Variants in PDE3A observed in about 807,000 individuals in gnomAD.
PDE3A encodes phosphodiesterase 3A.
A neutral mutation model predicts 98.3 loss-of-function variants in PDE3A; 43 were observed. The ratio of observed to expected loss-of-function variants is 0.44; its 90% CI spans 0.34 to 0.56. The LOEUF is 0.56. PDE3A is among the 20% of genes least tolerant of loss of function. The probability of loss-of-function intolerance (pLI) is 0.01; values close to 1 mark genes in which losing one functional copy is unlikely to be tolerated. For synonymous variants in PDE3A, 663 were observed against 567.9 expected, an observed-to-expected ratio of 1.17 and a Z score of -2.38; for missense variants, 1,427 against 1,440.7, an observed-to-expected ratio of 0.99 and a Z score of 0.15.
rs538183017 is a variant in PDE3A, at chr12:20,485,255, T to C, written c.961-71405T>C. ...TTGGGGACTCAAGCATTCCTTGGCT[T>C]GTAATGGCATTCTTCCCATGCCTCT... On this transcript the variant is annotated intron_variant, in intron 1 of 15. Coordinates refer to ENST00000359062, the MANE Select transcript of PDE3A (RefSeq NM_000921.5). Among the ~76,000 whole-genome samples, 2 of 152,284 alleles carry C rather than the reference T, an allele frequency of 1.3e-5. 1 individual carries two copies. The highest frequency in any genetic ancestry group is 4.8e-5 in the African/African-American group (2 of 41,562).
intron 2 of PDE3A, among the ~76,000 whole-genome samples, chr12:20,559,505 T>G (rs1008616399): frequency 6.7e-6 from 1 of 150,306 alleles, no homozygotes; most frequent in African/African-American, 2.4e-5. Flanking sequence ...ATAATAATAA[T>G]AATAATAGTA....
chr12:20,509,649 C>T (rs1026923587), intron 1 of PDE3A, among the ~76,000 whole-genome samples: 1 of 152,044 alleles, frequency 6.6e-6, no homozygotes, highest in Admixed American at 6.6e-5. Flanking sequence ...TAATGTCTAG[C>T]TCTGAAATTA....
chr12:20,543,295 T>C lies in PDE3A; in HGVS notation c.961-13365T>C, dbSNP rs188297699. ...TAAACAGGCCTAACTATCAATTGCA[T>C]TGGAAATTTGATTGTGTTTCCAACT... On this transcript the variant is annotated intron_variant, in intron 1 of 15. Coordinates refer to ENST00000359062, the MANE Select transcript of PDE3A (RefSeq NM_000921.5). Among the ~76,000 whole-genome samples the C allele has an allele frequency of 7.2e-4, 109 of 151,974 alleles. No individual in the cohort carries two copies. In the East Asian group the frequency reaches 0.016, roughly 23 times the overall value.
At chr12:20,564,700 T>C (rs568483151) in intron 2 of PDE3A, among the ~76,000 whole-genome samples, 213 of 152,228 alleles carry the variant, frequency 1.4e-3, no homozygotes, top group African/African-American at 4.9e-3. Context: ...TAAAAGAACA[T>C]TGATGAACAG....
rs567510062 is a variant in PDE3A at position 20,651,354 on chromosome 12, G to T, written c.2925+754G>T. Among the ~76,000 whole-genome samples, 54 of 152,210 alleles carry T rather than the reference G, an allele frequency of 3.5e-4. No homozygotes were observed. In the Middle Eastern group the frequency reaches 0.01, roughly 29 times the overall value. ...GCATGCATAAAGGACAGGAATAAGT[G>T]ACAGAAAAGCATGTGGAAAAAAATG... is the stretch of plus-strand genomic sequence containing the variant. On this transcript the variant is annotated intron_variant, in intron 14 of 15. Coordinates refer to ENST00000359062, the MANE Select transcript of PDE3A (RefSeq NM_000921.5).
intron 2 of PDE3A, among the ~76,000 whole-genome samples, chr12:20,596,971 T>C (rs766845879): frequency 5.9e-5 from 9 of 152,152 alleles, no homozygotes; most frequent in Non-Finnish European, 1.2e-4. Context: ...TATTTAGCAT[T>C]GTGAATAGCG....
intron 15 of PDE3A, among the ~76,000 whole-genome samples, chr12:20,679,136 C>G (rs569618290): frequency 1.3e-4 from 20 of 152,256 alleles, no homozygotes; most frequent in Middle Eastern, 3.4e-3. Flanking sequence ...TTGCAAAGAA[C>G]ATTTCAGGAT....
intron 2 of PDE3A, among the ~76,000 whole-genome samples, chr12:20,577,318 G>T (rs1476334203): frequency 6.6e-6 from 1 of 152,074 alleles, no homozygotes; most frequent in Admixed American, 6.6e-5. Flanking sequence ...ATGAAATGGT[G>T]GGTTAGGTAG....
At chr12:20,421,183 C>T (rs1166318403) in intron 1 of PDE3A, among the ~76,000 whole-genome samples, 5 of 152,008 alleles carry the variant, frequency 3.3e-5, no homozygotes, top group Admixed American at 6.5e-5. Context: ...ATTAAGGCAC[C>T]GTAACATATT....
chr12:20,671,216 C>CAA (rs1945469449), intron 15 of PDE3A, among the ~76,000 whole-genome samples: 1 of 147,428 alleles, frequency 6.8e-6, no homozygotes, highest in Admixed American at 6.7e-5. Context: ...AATAGTTTAC[C>CAA]AACAAAAAAG....
chr12:20,532,849 C>A (rs1255639855), intron 1 of PDE3A, among the ~76,000 whole-genome samples: 1 of 152,020 alleles, frequency 6.6e-6, no homozygotes, highest in Non-Finnish European at 1.5e-5. Flanking sequence ...CCACTACGCC[C>A]GGCTAACTTT....
chr12:20,591,301 G>A (rs908342879), intron 2 of PDE3A, among the ~76,000 whole-genome samples: 2 of 152,222 alleles, frequency 1.3e-5, no homozygotes, highest in African/African-American at 4.8e-5. Flanking sequence ...TACAGCCAAT[G>A]TACATACTTA....
At chr12:20,614,870 T>C (rs1019123644) in intron 3 of PDE3A, among the ~76,000 whole-genome samples, 4 of 152,180 alleles carry the variant, frequency 2.6e-5, no homozygotes, top group African/African-American at 9.7e-5. Context: ...CTTTGTGAAC[T>C]ATGCCTATGT....
intron 15 of PDE3A, among the ~76,000 whole-genome samples, chr12:20,677,842 A>G (rs923055900): frequency 7.9e-5 from 12 of 152,140 alleles, no homozygotes; most frequent in Non-Finnish European, 1.5e-4. Context: ...TGCAGGCAGT[A>G]GCATAGTCTC....
chr12:20,408,215 G>A (rs542509353), intron 1 of PDE3A, among the ~76,000 whole-genome samples: 1 of 152,156 alleles, frequency 6.6e-6, no homozygotes, highest in East Asian at 1.9e-4. Context: ...CACCATGCCT[G>A]GCCAATGTGT....
At chr12:20,610,123 GA>G (rs34582680) in intron 2 of PDE3A, among the ~76,000 whole-genome samples, 146,733 of 151,890 alleles carry the variant, frequency 0.97, 71,092 homozygotes, top group East Asian at 1. Context: ...GACAGACTGG[GA>G]AAAAAAATAT....
chr12:20,527,614 G>A (rs1337965705), intron 1 of PDE3A, among the ~76,000 whole-genome samples: 3 of 152,046 alleles, frequency 2.0e-5, no homozygotes, highest in African/African-American at 4.8e-5. Context: ...AGTGACCCCC[G>A]TGGCAAACCT....
At chr12:20,397,958 G>T (rs1944047791) in intron 1 of PDE3A, among the ~76,000 whole-genome samples, 2 of 151,728 alleles carry the variant, frequency 1.3e-5, no homozygotes, top group African/African-American at 4.8e-5. Flanking sequence ...ATGATTTATT[G>T]AATACTTAAT....
intron 10 of PDE3A, among the ~76,000 whole-genome samples, chr12:20,641,081 G>T (rs1197223424): frequency 6.6e-6 from 1 of 152,006 alleles, no homozygotes; most frequent in Admixed American, 6.6e-5. Flanking sequence ...TCAACTTAGG[G>T]ATTTATTATG....
Sources: gnomAD v4.1 joint callset for allele counts (sites outside exome capture counted in the v4.1 genomes callset) on GRCh38, gnomAD v4.1.1 for gene constraint, MANE v1.5 for transcripts, NCBI Gene and HGNC (gene_info 2026-07-23, HGNC 2026-07-21) for gene names.